Variants in CPNE2 observed in about 807,000 individuals in gnomAD.
CPNE2 encodes copine 2.
CPNE2 carries 42 observed loss-of-function variants against 69.7 expected under a neutral mutation model. That is an observed-to-expected ratio of 0.60 (90% CI 0.47 to 0.78). The LOEUF (loss-of-function observed/expected upper bound fraction) is 0.78. Among genes scored for constraint, CPNE2 ranks in the 30% least tolerant of loss-of-function variants. The probability of loss-of-function intolerance (pLI) is 0.00; values close to 1 mark genes in which losing one functional copy is unlikely to be tolerated. For missense variants in CPNE2, 587 were observed against 732.0 expected (o/e 0.80, Z 2.29); for synonymous variants, 294 against 289.8 (o/e 1.01, Z -0.15).
chr16:57,129,364 G>A (rs1230751154), intron 12 of CPNE2, among the ~76,000 whole-genome samples: 1 of 152,140 alleles, frequency 6.6e-6, no homozygotes, highest in East Asian at 1.9e-4. Context: ...ACTCAGGGCA[G>A]AGGCCAGGAC....
intron 1 of CPNE2, among the ~76,000 whole-genome samples, chr16:57,109,932 C>T (rs2069670088): frequency 6.6e-6 from 1 of 152,152 alleles, no homozygotes. Context: ...CTGACGTTAC[C>T]AGAAGTGAGC....
At position 57,130,389 on chromosome 16, in the gene CPNE2, TAAAA is replaced by T. The variant is rs1156750338; in HGVS notation, c.1116+2490_1116+2493del. On this transcript the variant is annotated intron_variant, in intron 12 of 15. Coordinates refer to ENST00000290776, the MANE Select transcript of CPNE2 (RefSeq NM_152727.6). The surrounding 1 kb of genome is among the most constrained non-coding windows in gnomAD (Gnocchi z 4.1). ...AAATTAATTAATTAATTAATTAAAA[TAAAA>T]AAAGAGACAGCTGCATGAGAGAGCC... 3.3e-5 allele frequency among the ~76,000 whole-genome samples: 5 copies of T among 151,320 alleles called. No homozygotes were observed. The highest frequency in any genetic ancestry group is 3.4e-3 in the Middle Eastern group (1 of 294).
intron 14 of CPNE2, among the ~76,000 whole-genome samples, chr16:57,140,236 T>A (rs555651280): frequency 6.6e-6 from 1 of 151,960 alleles, no homozygotes; most frequent in Non-Finnish European, 1.5e-5. Context: ...AATGGTGCAA[T>A]CTTGGCTCAC....
intron 1 of CPNE2, among the ~76,000 whole-genome samples, chr16:57,102,963 A>AT (rs1183067676): frequency 4.0e-5 from 6 of 151,722 alleles, no homozygotes; most frequent in African/African-American, 1.5e-4. Context: ...CATCCCCCAA[A>AT]TTTTTTATCT....
intron 13 of CPNE2, among the ~76,000 whole-genome samples, chr16:57,136,296 C>G (rs2069880288): frequency 6.6e-6 from 1 of 152,236 alleles, no homozygotes; most frequent in African/African-American, 2.4e-5. Flanking sequence ...AGCTTCATCC[C>G]TGGCCAGGCC....
chr16:57,134,816 C>T lies in CPNE2; in HGVS notation c.1158C>T (p.Pro386=). Reference sequence around the variant, plus strand: ...CCATCAACTTCAACCCCACCAACCCCTTCTGCTCAGGTGAGTGTCAGACCC... The same window carrying T: ...CCATCAACTTCAACCCCACCAACCCTTTCTGCTCAGGTGAGTGTCAGACCC... The part of the protein sequence containing the change: ...EFAINFNPTN[P]FCSGVDGIAQ... The change falls in exon 13 of 16, where the codon CCC becomes CCT. Residue 386 remains proline, a synonymous_variant. Coordinates refer to ENST00000290776, the MANE Select transcript of CPNE2 (RefSeq NM_152727.6). 3 of 1,613,952 alleles carry T rather than the reference C, an allele frequency of 1.9e-6. No homozygotes were observed. The highest frequency in any genetic ancestry group is 1.7e-6 in the Non-Finnish European group (2 of 1,179,922).
In CPNE2 at chr16:57,131,540, G is replaced by T. The variant is rs550635969; in HGVS notation, c.1117-3235G>T. Among the ~76,000 whole-genome samples, 6 of 152,352 alleles carry T rather than the reference G, an allele frequency of 3.9e-5. No individual in the cohort carries two copies. The East Asian group carries it at 7.7e-4, about 20-fold the overall frequency. ...GCTAGGACACCAGCCAGCTTTCAAA[G>T]AACTGAATGAGATGTTTTCTTGAGC... On this transcript the variant is annotated intron_variant, in intron 12 of 15. Coordinates refer to ENST00000290776, the MANE Select transcript of CPNE2 (RefSeq NM_152727.6).
chr16:57,102,239 C>T (rs965380854), intron 1 of CPNE2, among the ~76,000 whole-genome samples: 3 of 152,106 alleles, frequency 2.0e-5, no homozygotes, highest in Non-Finnish European at 2.9e-5. Flanking sequence ...AGTGAGCCAC[C>T]GCACCCGCTT....
At chr16:57,101,950 C>CTTT (rs753148938) in intron 1 of CPNE2, among the ~76,000 whole-genome samples, 10 of 143,302 alleles carry the variant, frequency 7.0e-5, no homozygotes, top group East Asian at 4.1e-4. Context: ...ATTTCTTTTT[C>CTTT]TTTTTTTTTT....
At chr16:57,138,090 C>T (rs193222177) in intron 14 of CPNE2, among the ~76,000 whole-genome samples, 7 of 152,332 alleles carry the variant, frequency 4.6e-5, no homozygotes, top group Admixed American at 2.6e-4. Context: ...CTGCTCCTCA[C>T]GCTCCAGCGC....
At position 57,115,485 on chromosome 16, in the gene CPNE2, A is replaced by G. The variant is rs1238250570; in HGVS notation, c.370A>G (p.Ser124Gly). The change falls in exon 4 of 16, where the codon AGC (serine) becomes GGC (glycine). Residue 124 changes from serine (S) to glycine (G), a missense_variant. Ser to Gly is a moderately conservative substitution (Grantham distance 56, BLOSUM62 0). This residue lies in a region of CPNE2 where 269 missense variants were observed against 300.5 expected (regional missense o/e 0.90). Transcript: ENST00000290776. ...CTCCTCTCTCCCCTAGATCGTCTCC[A>G]GCAAGAAGATCACTAGGCCTCTGCT... The part of the protein sequence containing the change: ...FSCSLGTIVS[S>G]KKITRPLLLL... 11 of 1,611,720 alleles carry G rather than the reference A, an allele frequency of 6.8e-6. No homozygotes were observed. In the Admixed American group the frequency reaches 1.7e-4, roughly 25 times the overall value.
chr16:57,127,857 T>C lies in CPNE2; in HGVS notation c.1070T>C (p.Met357Thr). The change falls in exon 12 of 16, where the codon ATG (methionine) becomes ACG (threonine). Residue 357 changes from methionine (M) to threonine (T), a missense_variant. Coordinates refer to ENST00000290776, the MANE Select transcript of CPNE2 (RefSeq NM_152727.6). ...QIIQDYDSDK[M>T]FPALGFGAQL... ...CTTCTCTCTCTGATTAGTGATAAGA[T>C]GTTTCCAGCTCTGGGATTCGGGGCC... 1 of 1,614,136 alleles carries C rather than the reference T, an allele frequency of 6.2e-7. No individual in the cohort carries two copies. Among genetic ancestry groups the C allele is most frequent in the South Asian group, 1.1e-5 (1 of 91,082 alleles).
intron 5 of CPNE2, among the ~76,000 whole-genome samples, 158 bp downstream of exon 5, chr16:57,117,725 T>C (rs2069730361): frequency 6.6e-6 from 1 of 152,180 alleles, no homozygotes; most frequent in Non-Finnish European, 1.5e-5. Flanking sequence ...TTAGGACTCC[T>C]TCACCTCTGA....
At chr16:57,137,072 T>C (rs2069886950) in intron 13 of CPNE2, 77 bp from the exon 14 acceptor site, 3 of 1,563,906 alleles carry the variant, frequency 1.9e-6, no homozygotes, top group South Asian at 1.2e-5. Flanking sequence ...ATGAAATAGA[T>C]GTTTCATCAG....
intron 10 of CPNE2, chr16:57,125,496 A>C: frequency 2.6e-6 from 1 of 389,550 alleles, no homozygotes; most frequent in Non-Finnish European, 5.2e-6. Context: ...TTAGACGGGA[A>C]GAAACGATAG....
chr16:57,147,759 TC>T lies in CPNE2; in HGVS notation c.*105del. 1 of 673,106 alleles carries T rather than the reference TC, an allele frequency of 1.5e-6. No individual in the cohort carries two copies. The highest frequency in any genetic ancestry group is 2.2e-6 in the Non-Finnish European group (1 of 448,972). The allele number at this position is 673,106 out of a possible 1,614,324, so 41.7% of individuals were successfully genotyped here. On this transcript the variant is annotated 3_prime_UTR_variant, in exon 16 of 16. Coordinates refer to ENST00000290776, the MANE Select transcript of CPNE2 (RefSeq NM_152727.6). The stretch of plus-strand genomic sequence containing the variant: ...CTTGTGGGTGGCCTTTTTTTACCGA[TC>T]CCCTTTTTTATTTTTTACAACCGGA...
rs2069866216 is a variant in CPNE2, at chr16:57,134,803, A to T, written c.1145A>T (p.Asn382Ile). 1 of 1,613,392 alleles carries T rather than the reference A, an allele frequency of 6.2e-7. No individual in the cohort carries two copies. The highest frequency in any genetic ancestry group is 8.5e-7 in the Non-Finnish European group (1 of 1,179,860). Residue 382 changes from asparagine to isoleucine, a missense_variant, in exon 13 of 16, where the codon AAC becomes ATC. Asn to Ile is a moderately radical substitution (Grantham distance 149, BLOSUM62 -3). Transcript: ENST00000290776. ...KVSHEFAINF[N>I]PTNPFCSGVD... ...TCCCATGAGTTTGCCATCAACTTCA[A>T]CCCCACCAACCCCTTCTGCTCAGGT...
At chr16:57,125,057 A>G (rs1210518575) in intron 10 of CPNE2, 1 of 326,488 alleles carries the variant, frequency 3.1e-6, no homozygotes, top group South Asian at 2.4e-5. Flanking sequence ...CTCCTACCCC[A>G]CAGCAACTGA....
chr16:57,129,501 G>A (rs1322437934), intron 12 of CPNE2, among the ~76,000 whole-genome samples: 1 of 152,142 alleles, frequency 6.6e-6, no homozygotes, highest in Non-Finnish European at 1.5e-5. Flanking sequence ...CAGGGGAGAT[G>A]GTAAGGTGGG....
Sources: gnomAD v4.1 joint callset for allele counts (sites outside exome capture counted in the v4.1 genomes callset) on GRCh38, gnomAD v4.1.1 for gene constraint, gnomAD v4.1.1 regional missense constraint, Gnocchi (gnomAD v3.1) non-coding constraint, MANE v1.5 for transcripts, NCBI Gene and HGNC (gene_info 2026-07-23, HGNC 2026-07-21) for gene names.